ADAM29: variants seen among roughly 807,000 people sequenced by gnomAD.
ADAM29 encodes the protein ADAM metallopeptidase domain 29.
For missense variants in ADAM29, 969 were observed against 1,001.8 expected (o/e 0.97, Z 0.44); for synonymous variants, 367 against 342.3 (o/e 1.07, Z -0.80).
chr4:174,943,841 G>A (rs1175499542), intron 4 of ADAM29, among the ~76,000 whole-genome samples: 1 of 151,158 alleles, frequency 6.6e-6, no homozygotes, highest in Non-Finnish European at 1.5e-5. Context: ...AAGTCGTTCA[G>A]TGATTATAAA....
At chr4:174,923,525 G>GTATATATATATA (rs58980378) in intron 2 of ADAM29, among the ~76,000 whole-genome samples, 3 of 96,664 alleles carry the variant, frequency 3.1e-5, no homozygotes, top group African/African-American at 7.6e-5. Context: ...TGCATTATAT[G>GTATATATATATA]TATATATATA....
chr4:174,960,656 T>C (rs1326244509), intron 4 of ADAM29, among the ~76,000 whole-genome samples: 2 of 152,162 alleles, frequency 1.3e-5, no homozygotes, highest in East Asian at 3.8e-4. Context: ...CCACGCTTGC[T>C]GTTTTGGACG....
chr4:174,943,759 A>C (rs1270585363), intron 4 of ADAM29, among the ~76,000 whole-genome samples: 1 of 152,068 alleles, frequency 6.6e-6, no homozygotes, highest in Non-Finnish European at 1.5e-5. Flanking sequence ...TATTTCTTCC[A>C]GAAGAGTCAA....
At chr4:174,934,804 A>G (rs1435904344) in intron 3 of ADAM29, among the ~76,000 whole-genome samples, 3 of 152,166 alleles carry the variant, frequency 2.0e-5, no homozygotes, top group African/African-American at 7.2e-5. Flanking sequence ...GAGTCTGTTC[A>G]TCTGAAATGG....
At chr4:174,960,337 T>C (rs898855699) in intron 4 of ADAM29, among the ~76,000 whole-genome samples, 2 of 152,104 alleles carry the variant, frequency 1.3e-5, no homozygotes, top group Non-Finnish European at 2.9e-5. Flanking sequence ...TTATGGATTA[T>C]TTAGAAGTTG....
intron 4 of ADAM29, among the ~76,000 whole-genome samples, chr4:174,953,930 T>C (rs1186752478): frequency 1.3e-5 from 2 of 152,176 alleles, no homozygotes; most frequent in Admixed American, 6.5e-5. Context: ...CAGGCCAGAC[T>C]TGAACTTCTG....
At chr4:174,951,088 G>A (rs1745150247) in intron 4 of ADAM29, among the ~76,000 whole-genome samples, 2 of 152,144 alleles carry the variant, frequency 1.3e-5, no homozygotes, top group African/African-American at 4.8e-5. Flanking sequence ...GTGTGAAAAT[G>A]GAGTAATACA....
At chr4:174,966,206 T>A (rs554753388) in intron 4 of ADAM29, among the ~76,000 whole-genome samples, 1 of 152,180 alleles carries the variant, frequency 6.6e-6, no homozygotes, top group Admixed American at 6.5e-5. Flanking sequence ...TCAGTACAGA[T>A]GCAATTTTTT....
intron 4 of ADAM29, among the ~76,000 whole-genome samples, chr4:174,965,526 C>T (rs79328016): frequency 7.1e-4 from 106 of 149,662 alleles, no homozygotes; most frequent in Non-Finnish European, 1.3e-3. Context: ...TATCTATCAT[C>T]TATCATCTAT....
intron 4 of ADAM29, among the ~76,000 whole-genome samples, chr4:174,960,592 G>A (rs912079444): frequency 6.6e-6 from 1 of 152,022 alleles, no homozygotes; most frequent in Non-Finnish European, 1.5e-5. Flanking sequence ...TACATCTTTA[G>A]TAGTTTTTTC....
At chr4:174,939,420 AGG>A (rs1744397671) in intron 4 of ADAM29, among the ~76,000 whole-genome samples, 3 of 152,272 alleles carry the variant, frequency 2.0e-5, no homozygotes, top group South Asian at 4.1e-4. Context: ...TTCTGAAAAT[AGG>A]ACAGAAAAAT....
chr4:174,954,684 C>T (rs1745399431), intron 4 of ADAM29, among the ~76,000 whole-genome samples: 2 of 152,112 alleles, frequency 1.3e-5, no homozygotes, highest in African/African-American at 2.4e-5. Flanking sequence ...ATCTCTGTTC[C>T]AGGCTTAGTA....
rs201339270 is a variant in ADAM29, at chr4:174,965,519, CT to C, written c.-180-9826del. 9.1e-3 allele frequency among the ~76,000 whole-genome samples: 1,379 copies of C among 151,614 alleles called. 12 individuals are homozygous for C. The highest frequency in any genetic ancestry group is 0.017 in the Non-Finnish European group (1,133 of 67,922). The stretch of plus-strand genomic sequence containing the variant: ...TCTATCTATCTATCTATCTATCTAT[CT>C]ATCATCTATCATCTATTTACTTACC... On this transcript the variant is annotated intron_variant, in intron 4 of 4. Coordinates refer to ENST00000359240, the MANE Select transcript of ADAM29 (RefSeq NM_014269.4).
At chr4:174,921,891 G>A (rs114499412) in intron 2 of ADAM29, among the ~76,000 whole-genome samples, 1,974 of 152,022 alleles carry the variant, frequency 0.013, 37 homozygotes, top group African/African-American at 0.042. Flanking sequence ...TTTTATTTTC[G>A]TATGTAGTTC....
intron 4 of ADAM29, among the ~76,000 whole-genome samples, chr4:174,947,792 CTT>C (rs1165882196): frequency 6.6e-6 from 1 of 152,124 alleles, no homozygotes; most frequent in Non-Finnish European, 1.5e-5. Context: ...TCCTGAATAA[CTT>C]TGTTAGTTTT....
intron 4 of ADAM29, among the ~76,000 whole-genome samples, chr4:174,950,143 T>G (rs1745086078): frequency 6.6e-6 from 1 of 152,210 alleles, no homozygotes; most frequent in Non-Finnish European, 1.5e-5. Context: ...GGATTCTCTT[T>G]TCAAACCTCT....
rs1560900720 is a variant in ADAM29 at position 174,977,595 on chromosome 4, A to G, written c.2070A>G (p.Leu690=). 1 of 1,529,074 alleles carries G rather than the reference A, an allele frequency of 6.5e-7. No individual in the cohort carries two copies. 94.7% of individuals were successfully genotyped at this position (1,529,074 alleles called of 1,614,324 possible). The part of the protein sequence containing the change: ...CILLLIVLFI[L]LCCLYRLCKK... ...TGTTGCTTATTGTTTTGTTTATTTT[A>G]TTATGTTGTCTTTATCGACTTTGTA... The change falls in exon 5 of 5, where the codon TTA becomes TTG. Residue 690 remains leucine (L), a synonymous_variant. Transcript: ENST00000359240.
chr4:174,922,569 A>G (rs1743225410), intron 2 of ADAM29, among the ~76,000 whole-genome samples: 1 of 152,176 alleles, frequency 6.6e-6, no homozygotes, highest in Non-Finnish European at 1.5e-5. Context: ...GGAGGCTTCC[A>G]TACTTTGGTG....
chr4:174,966,617 G>A (rs566103307), intron 4 of ADAM29, among the ~76,000 whole-genome samples: 1 of 152,142 alleles, frequency 6.6e-6, no homozygotes, highest in South Asian at 2.1e-4. Context: ...TGTTAATCCT[G>A]TCTGGTTTGA....
Sources: allele counts gnomAD v4.1 joint callset (sites outside exome capture counted in the v4.1 genomes callset), GRCh38; gene constraint gnomAD v4.1.1; transcripts MANE v1.5; gene names NCBI Gene and HGNC (gene_info 2026-07-23, HGNC 2026-07-21).